Variants in COL5A1 observed in about 807,000 individuals in gnomAD.
COL5A1 encodes the protein collagen alpha-1(V) chain.
In COL5A1, 16 loss-of-function variants were observed where a neutral mutation model predicts 263.7. That is an observed-to-expected ratio of 0.06 (90% CI 0.04 to 0.09). The LOEUF (loss-of-function observed/expected upper bound fraction) is 0.09, where lower values mean the gene tolerates loss of function less well. Among genes scored for constraint, COL5A1 ranks in the 10% least tolerant of loss-of-function variants. The probability of loss-of-function intolerance (pLI) is 1.00; values close to 1 mark genes in which losing one functional copy is unlikely to be tolerated. For missense variants in COL5A1, 2,036 were observed against 2,540.5 expected (o/e 0.80, Z 4.27); for synonymous variants, 1,012 against 1,004.5 (o/e 1.01, Z -0.14).
rs746717050 is a variant in COL5A1 at position 134,690,994 on chromosome 9, G to A, written c.192G>A (p.Thr64=). The change falls in exon 2 of 66, where the codon ACG becomes ACA. Residue 64 remains threonine (T), a synonymous_variant. Transcript: ENST00000371817. ...CAAAGACAACAGGCTTTTGCGCCACGCGGCGATCTTCCAAAGGCCCGGATG... is the reference window on the plus strand; with the variant it reads ...CAAAGACAACAGGCTTTTGCGCCACACGGCGATCTTCCAAAGGCCCGGATG... ...GITKTTGFCA[T]RRSSKGPDVA... is the part of the protein sequence containing the mutation. 6.8e-6 allele frequency: 11 copies of A among 1,613,700 alleles called. No individual in the cohort carries two copies. The African/African-American group carries it at 9.3e-5, about 14-fold the overall frequency.
chr9:134,670,059 G>A (rs80038646), intron 1 of COL5A1, among the ~76,000 whole-genome samples: 3,872 of 152,284 alleles, frequency 0.025, 182 homozygotes, highest in African/African-American at 0.088. Context: ...CAGAAACGGT[G>A]TTGTGCCCTG....
At chr9:134,750,706 G>A in intron 12 of COL5A1, 84 bp from the exon 13 acceptor site, 2 of 1,593,498 alleles carry the variant, frequency 1.3e-6, no homozygotes, top group Non-Finnish European at 1.7e-6. Context: ...TCACTGGAGA[G>A]GCCTGTGGGC....
At chr9:134,730,976 C>T (rs917497433) in intron 7 of COL5A1, among the ~76,000 whole-genome samples, 10 of 152,230 alleles carry the variant, frequency 6.6e-5, no homozygotes, top group Admixed American at 3.3e-4. Flanking sequence ...GAAAGTTAGT[C>T]TGCGTCTCTG....
chr9:134,816,384 G>T (rs146567477), intron 52 of COL5A1, among the ~76,000 whole-genome samples: 1 of 152,344 alleles, frequency 6.6e-6, no homozygotes, highest in South Asian at 2.1e-4. Context: ...TGCATCTGAC[G>T]CTTGGCGTTG....
At chr9:134,812,571 T>C in intron 47 of COL5A1, 34 bp from the exon 48 acceptor site, 1 of 1,611,584 alleles carries the variant, frequency 6.2e-7, no homozygotes, top group Middle Eastern at 1.7e-4. Context: ...CATTTGCGTT[T>C]CCTCTGGGCT....
At position 134,786,044 on chromosome 9, in the gene COL5A1, C is replaced by T. The variant is rs764040290; in HGVS notation, c.2642C>T (p.Pro881Leu). The T allele has an allele frequency of 1.9e-6, 3 of 1,612,390 alleles. No individual in the cohort carries two copies. The highest frequency in any genetic ancestry group is 2.5e-6 in the Non-Finnish European group (3 of 1,179,406). ...GLPGYPGRQG[P>L]KGSIGFPGFP... ...CCAGGGTATCCAGGAAGACAAGGAC[C>T]AAAGGTAACTTCTGGCCGTGTTAGG... is the stretch of plus-strand genomic sequence containing the variant. The change falls in exon 31 of 66, where the codon CCA (proline) becomes CTA (leucine). Residue 881 changes from proline to leucine, a missense_variant. Coordinates refer to ENST00000371817, the MANE Select transcript of COL5A1 (RefSeq NM_000093.5).
chr9:134,754,413 C>CAGCTGGG lies in COL5A1; in HGVS notation c.1827+88_1827+94dup, dbSNP rs1835900860. 1 of 1,470,360 alleles carries CAGCTGGG rather than the reference C, an allele frequency of 6.8e-7. No individual in the cohort carries two copies. The highest frequency in any genetic ancestry group is 9.5e-7 in the Non-Finnish European group (1 of 1,050,754). The allele number at this position is 1,470,360 out of a possible 1,614,324, so 91.1% of individuals were successfully genotyped here. On this transcript the variant is annotated intron_variant, in intron 16 of 65. Transcript: ENST00000371817. The surrounding 1 kb of genome is among the most constrained non-coding windows in gnomAD (Gnocchi z 4.3). ...CTGGGGTGCGGGCACCCCCAACAGC[C>CAGCTGGG]AGCTGGGCCACATGAAGCCAGGTGG...
chr9:134,827,093 G>A (rs911117292), intron 63 of COL5A1, among the ~76,000 whole-genome samples: 8 of 152,192 alleles, frequency 5.3e-5, no homozygotes, highest in Admixed American at 6.5e-5. Context: ...GGCAAAGGCC[G>A]CCCATTTCTG....
intron 36 of COL5A1, among the ~76,000 whole-genome samples, chr9:134,797,218 C>T (rs368195537): frequency 6.6e-6 from 1 of 152,220 alleles, no homozygotes; most frequent in South Asian, 2.1e-4. Context: ...GCCCTGGGGC[C>T]GCCATCACAA....
At chr9:134,784,942 G>A (rs1466985751) in intron 29 of COL5A1, 47 bp from the exon 30 acceptor site, 1 of 1,272,582 alleles carries the variant, frequency 7.9e-7, no homozygotes, top group Admixed American at 1.8e-5. Context: ...GGAGAATAGT[G>A]TGTGTGCGGG....
At chr9:134,660,385 A>G (rs1832166534) in intron 1 of COL5A1, among the ~76,000 whole-genome samples, 1 of 152,202 alleles carries the variant, frequency 6.6e-6, no homozygotes, top group African/African-American at 2.4e-5. Context: ...GACAGATTCT[A>G]TTAGGAAAAG....
Position 134,842,655 on chromosome 9 carries a change from G to T in COL5A1, c.*352G>T, listed in dbSNP as rs1830141526. 2 of 398,972 alleles carry T rather than the reference G, an allele frequency of 5.0e-6. No individual in the cohort carries two copies. Among genetic ancestry groups the T allele is most frequent in the African/African-American group, 4.0e-5 (2 of 49,624 alleles). The allele number at this position is 398,972 out of a possible 1,614,324, so 24.7% of individuals were successfully genotyped here. On this transcript the variant is annotated 3_prime_UTR_variant, in exon 66 of 66. Transcript: ENST00000371817. The surrounding 1 kb of genome is among the most constrained non-coding windows in gnomAD (Gnocchi z 5.8). ...TGAATAGGTCTCAGGGGTTGGGGGA[G>T]GGACTGCCAGATTTGGACACTATAT...
intron 18 of COL5A1, among the ~76,000 whole-genome samples, chr9:134,759,747 ACATG>A (rs1836211476): frequency 2.5e-5 from 2 of 80,696 alleles, no homozygotes; most frequent in African/African-American, 1.1e-4. Context: ...CACACACCAC[ACATG>A]CACACACACC....
chr9:134,793,666 G>C (rs1186758547), intron 32 of COL5A1, among the ~76,000 whole-genome samples: 1 of 148,904 alleles, frequency 6.7e-6, no homozygotes, highest in African/African-American at 2.6e-5. Flanking sequence ...GGATGGGAAT[G>C]AGTAAATCTG....
intron 4 of COL5A1, among the ~76,000 whole-genome samples, chr9:134,702,709 C>T (rs546199917): frequency 2.6e-5 from 4 of 152,356 alleles, no homozygotes; most frequent in East Asian, 3.9e-4. Flanking sequence ...CTGGGGACCA[C>T]GTAGTGTCAC....
At chr9:134,768,489 C>T (rs375543449) in intron 25 of COL5A1, 26 bp downstream of exon 25, 1 of 1,610,104 alleles carries the variant, frequency 6.2e-7, no homozygotes, top group Admixed American at 1.7e-5. Flanking sequence ...CACCTCATCC[C>T]TCCATACTCT....
intron 1 of COL5A1, among the ~76,000 whole-genome samples, chr9:134,653,869 C>T (rs994994043): frequency 1.4e-4 from 19 of 139,390 alleles, no homozygotes; most frequent in Non-Finnish European, 2.5e-4. Flanking sequence ...TAGGGCCAGG[C>T]ATCTGTAGGG....
At chr9:134,727,582 T>G (rs919621494) in intron 5 of COL5A1, among the ~76,000 whole-genome samples, 185 bp downstream of exon 5, 4 of 152,214 alleles carry the variant, frequency 2.6e-5, no homozygotes, top group Admixed American at 2.0e-4. Flanking sequence ...CCCAGAATGA[T>G]AGGGTCACAG....
At chr9:134,730,602 C>A in intron 7 of COL5A1, 127 bp downstream of exon 7, 1 of 1,332,534 alleles carries the variant, frequency 7.5e-7, no homozygotes, top group Non-Finnish European at 1.1e-6. Context: ...CCCCTGTGTT[C>A]CACCACACCC....
Sources: gnomAD v4.1 joint callset for allele counts (sites outside exome capture counted in the v4.1 genomes callset) on GRCh38, gnomAD v4.1.1 for gene constraint, Gnocchi (gnomAD v3.1) non-coding constraint, MANE v1.5 for transcripts, NCBI Gene and HGNC (gene_info 2026-07-23, HGNC 2026-07-21) for gene names.